EXOC4: variants seen among roughly 807,000 people sequenced by gnomAD.
EXOC4 encodes the protein SEC8-like 1.
Under a neutral mutation model 107.2 loss-of-function variants are expected in EXOC4, and 71 were observed. The ratio of observed to expected loss-of-function variants is 0.66; its 90% CI spans 0.55 to 0.81. The LOEUF is 0.81. Ranked by LOEUF, EXOC4 falls within the 30% of genes least tolerant of loss-of-function variation. EXOC4 has a pLI of 0.00. For synonymous variants in EXOC4, 456 were observed against 441.2 expected (o/e 1.03, Z -0.42); for missense variants, 1,108 against 1,189.6 (o/e 0.93, Z 1.01).
intron 11 of EXOC4, among the ~76,000 whole-genome samples, chr7:133,818,515 G>A (rs1237744361): frequency 6.6e-6 from 1 of 152,120 alleles, no homozygotes. Flanking sequence ...TCCTAGTTAT[G>A]AGCATTCTTT....
intron 14 of EXOC4, among the ~76,000 whole-genome samples, chr7:133,948,083 A>T (rs969003596): frequency 6.6e-6 from 1 of 152,220 alleles, no homozygotes; most frequent in Non-Finnish European, 1.5e-5. Context: ...CGGCTGCTGC[A>T]GCAGAGTGAC....
intron 17 of EXOC4, among the ~76,000 whole-genome samples, chr7:134,008,329 C>G (rs1261070726): frequency 2.0e-5 from 3 of 152,130 alleles, no homozygotes; most frequent in Non-Finnish European, 4.4e-5. Flanking sequence ...TTTCCCCTAT[C>G]AATAACGTTG....
intron 9 of EXOC4, among the ~76,000 whole-genome samples, chr7:133,615,621 G>A (rs367817390): frequency 9.9e-5 from 15 of 152,098 alleles, no homozygotes; most frequent in East Asian, 1.9e-4. Flanking sequence ...TAATTTCTGC[G>A]TTCTCTATTG....
chr7:133,919,728 C>G (rs770265938), intron 13 of EXOC4, among the ~76,000 whole-genome samples: 1 of 151,976 alleles, frequency 6.6e-6, no homozygotes, highest in Non-Finnish European at 1.5e-5. Context: ...TTGCTCATTT[C>G]TTTTTTATCT....
chr7:133,694,783 C>T (rs1794496549), intron 10 of EXOC4, among the ~76,000 whole-genome samples: 1 of 152,010 alleles, frequency 6.6e-6, no homozygotes, highest in South Asian at 2.1e-4. Flanking sequence ...CCCTATTGCA[C>T]CATCATACTC....
intron 2 of EXOC4, among the ~76,000 whole-genome samples, chr7:133,282,098 CCT>C (rs1794170146): frequency 6.6e-6 from 1 of 152,178 alleles, no homozygotes; most frequent in Admixed American, 6.5e-5. Context: ...CTCTGGTCTT[CCT>C]CTCACAAATG....
At chr7:133,915,360 A>G (rs1480666726) in intron 12 of EXOC4, among the ~76,000 whole-genome samples, 2 of 152,240 alleles carry the variant, frequency 1.3e-5, no homozygotes, top group Non-Finnish European at 2.9e-5. Flanking sequence ...GATCCCCAAG[A>G]GCCTAACTAG....
At chr7:133,337,001 G>C (rs987870129) in intron 5 of EXOC4, among the ~76,000 whole-genome samples, 1 of 152,008 alleles carries the variant, frequency 6.6e-6, no homozygotes, top group South Asian at 2.1e-4. Context: ...CCAAAGTGTT[G>C]GGATTACAGG....
intron 9 of EXOC4, among the ~76,000 whole-genome samples, chr7:133,534,085 C>T (rs955918306): frequency 3.9e-5 from 6 of 152,104 alleles, no homozygotes; most frequent in South Asian, 2.1e-4. Context: ...GTAAGAACTT[C>T]GTTTGTTTCC....
Position 133,515,917 on chromosome 7 carries a change from A to G in EXOC4, c.1417+35779A>G, listed in dbSNP as rs534252075. Among the ~76,000 whole-genome samples the G allele has an allele frequency of 2.6e-5, 4 of 152,286 alleles. No individual in the cohort carries two copies. In the South Asian group the frequency reaches 8.3e-4, roughly 32 times the overall value. ...ATCAAAATTGTGTACAAATGTATTG[A>G]AGAGCTTTATTGTAATTGTGGTTTC... On this transcript the variant is annotated intron_variant, in intron 9 of 17. Transcript: ENST00000253861.
chr7:133,709,335 G>A (rs1385356460), intron 10 of EXOC4, among the ~76,000 whole-genome samples: 4 of 152,208 alleles, frequency 2.6e-5, no homozygotes, highest in Non-Finnish European at 5.9e-5. Context: ...ACAGTTCCAT[G>A]CACAGACCAG....
At chr7:133,764,103 G>A (rs905085277) in intron 10 of EXOC4, among the ~76,000 whole-genome samples, 2 of 151,992 alleles carry the variant, frequency 1.3e-5, no homozygotes, top group Admixed American at 6.6e-5. Context: ...AAGATGAGGT[G>A]AGGAATTAGC....
intron 9 of EXOC4, among the ~76,000 whole-genome samples, chr7:133,526,958 G>C (rs150788454): frequency 0.032 from 4,833 of 151,498 alleles, 191 homozygotes; most frequent in Admixed American, 0.083. Flanking sequence ...GCAACAGAGC[G>C]AGACTCCGTC....
intron 10 of EXOC4, among the ~76,000 whole-genome samples, chr7:133,712,723 A>G (rs548550639): frequency 9.2e-5 from 14 of 152,346 alleles, no homozygotes; most frequent in African/African-American, 3.1e-4. Flanking sequence ...CAGCAAATAT[A>G]TGGATAAACA....
intron 9 of EXOC4, among the ~76,000 whole-genome samples, chr7:133,617,137 C>T (rs1041834930): frequency 5.9e-5 from 9 of 151,952 alleles, no homozygotes; most frequent in Non-Finnish European, 8.8e-5. Flanking sequence ...TCAAGTTAAC[C>T]GATAACATTT....
Position 133,484,262 on chromosome 7 carries a change from A to C in EXOC4, c.1417+4124A>C. 3 of 1,262,842 alleles carry C rather than the reference A, an allele frequency of 2.4e-6. No individual in the cohort carries two copies. In the South Asian group the frequency reaches 5.1e-5, roughly 22 times the overall value. 78.2% of individuals were successfully genotyped at this position (1,262,842 alleles called of 1,614,324 possible). ...CTAACTGTTATGGTACAGATGGTTC[A>C]TTATATAGTCTGCTGTTGGCAGTTG... On this transcript the variant is annotated intron_variant, in intron 9 of 17. Transcript: ENST00000253861.
At chr7:133,903,355 TA>T (rs1231934158) in intron 12 of EXOC4, among the ~76,000 whole-genome samples, 1 of 152,172 alleles carries the variant, frequency 6.6e-6, no homozygotes, top group East Asian at 1.9e-4. Context: ...TGAGACCACC[TA>T]AAGGCCACAG....
chr7:133,897,749 CT>C (rs57539732), intron 12 of EXOC4, among the ~76,000 whole-genome samples: 93,805 of 151,764 alleles, frequency 0.62, 31,532 homozygotes, highest in African/African-American at 0.89. Context: ...ATATAATGAG[CT>C]ACAATTGGAT....
intron 10 of EXOC4, among the ~76,000 whole-genome samples, chr7:133,745,096 A>G (rs1486729318): frequency 1.3e-5 from 2 of 152,044 alleles, no homozygotes; most frequent in Non-Finnish European, 1.5e-5. Flanking sequence ...TTTTTATTTA[A>G]TCATTCCCAG....
Sources: allele counts gnomAD v4.1 joint callset (sites outside exome capture counted in the v4.1 genomes callset), GRCh38; gene constraint gnomAD v4.1.1; transcripts MANE v1.5; gene names NCBI Gene and HGNC (gene_info 2026-07-23, HGNC 2026-07-21).